ERCC4: variants seen among roughly 807,000 people sequenced by gnomAD.
ERCC4 encodes the protein DNA repair endonuclease XPF.
Under a neutral mutation model 76.9 loss-of-function variants are expected in ERCC4, and 65 were observed. That is an observed-to-expected ratio of 0.84 (90% confidence interval 0.69 to 1.04). ERCC4 has a LOEUF of 1.04. Among genes scored for constraint, ERCC4 ranks in the 50% least tolerant of loss-of-function variants. The pLI, the probability that ERCC4 is intolerant of heterozygous loss-of-function variation, is 0.00. For missense variants in ERCC4, 1,214 were observed against 1,128.2 expected (o/e 1.08, Z -1.09); for synonymous variants, 463 against 410.1 (o/e 1.13, Z -1.56).
At chr16:13,945,707 G>C (rs1437772681) in intron 10 of ERCC4, among the ~76,000 whole-genome samples, 4 of 152,144 alleles carry the variant, frequency 2.6e-5, no homozygotes, top group African/African-American at 9.7e-5. Flanking sequence ...CCATACTTTG[G>C]GAAACATTGC....
At chr16:13,921,290 T>C (rs1458103284) in intron 1 of ERCC4, among the ~76,000 whole-genome samples, 1 of 152,118 alleles carries the variant, frequency 6.6e-6, no homozygotes, top group African/African-American at 2.4e-5. Context: ...AAAGGTTAAC[T>C]ACAGTTAAGG....
At chr16:13,931,992 C>T in intron 5 of ERCC4, 165 bp from the exon 6 acceptor site, 1 of 686,718 alleles carries the variant, frequency 1.5e-6, no homozygotes, top group East Asian at 2.6e-5. Flanking sequence ...ACCCAGAAAA[C>T]CACTGGTCCA....
chr16:13,928,301 T>A (rs539438893), intron 4 of ERCC4, 66 bp downstream of exon 4: 1 of 1,150,040 alleles, frequency 8.7e-7, no homozygotes, highest in Non-Finnish European at 1.3e-6. Flanking sequence ...GTTATTTTAA[T>A]ATTTGCAATG....
intron 10 of ERCC4, among the ~76,000 whole-genome samples, chr16:13,947,299 A>G (rs1596635793): frequency 6.6e-6 from 1 of 152,208 alleles, no homozygotes; most frequent in Non-Finnish European, 1.5e-5. Context: ...TTGGGAATAC[A>G]TTGACCAACA....
chr16:13,943,740 T>C (rs1416561494), intron 9 of ERCC4, among the ~76,000 whole-genome samples: 1 of 152,164 alleles, frequency 6.6e-6, no homozygotes, highest in Non-Finnish European at 1.5e-5. Flanking sequence ...TGTTTTTTTT[T>C]TTCTTCTCAT....
chr16:13,948,681 G>C lies in ERCC4; in HGVS notation c.*334G>C, dbSNP rs932851924. On this transcript the variant is annotated 3_prime_UTR_variant, in exon 11 of 11. Coordinates refer to ENST00000311895, the MANE Select transcript of ERCC4 (RefSeq NM_005236.3). ...GATCCTAACAGATCTCATTTAGAAA[G>C]GAATATGCTAAGCCTGGCATGGACG... 2.2e-5 allele frequency: 7 copies of C among 319,594 alleles called. No homozygotes were observed. The highest frequency in any genetic ancestry group is 4.6e-5 in the Admixed American group (1 of 21,942). The allele number at this position is 319,594 out of a possible 1,614,324, so 19.8% of individuals were successfully genotyped here.
chr16:13,940,829 G>A (rs1055197553), intron 9 of ERCC4, among the ~76,000 whole-genome samples: 1 of 152,186 alleles, frequency 6.6e-6, no homozygotes, highest in Non-Finnish European at 1.5e-5. Flanking sequence ...CCAGTGTTGA[G>A]GAGAGAAGCC....
chr16:13,928,309 ATGT>A, intron 4 of ERCC4, 74 bp downstream of exon 4: 1 of 1,065,606 alleles, frequency 9.4e-7, no homozygotes, highest in South Asian at 1.3e-5. Flanking sequence ...AATATTTGCA[ATGT>A]TGTTAATAGG....
At position 13,948,453 on chromosome 16, in the gene ERCC4, A is replaced by T; in HGVS notation, c.*106A>T. ...TGGTTTGCTATTTCATTCTTTTCCA[A>T]TGCTCTTAATGATTGTACGGTGGAC... On this transcript the variant is annotated 3_prime_UTR_variant, in exon 11 of 11. Coordinates refer to ENST00000311895, the MANE Select transcript of ERCC4 (RefSeq NM_005236.3). 7.6e-7 allele frequency: 1 copy of T among 1,322,530 alleles called. No individual in the cohort carries two copies. Among genetic ancestry groups the T allele is most frequent in the Non-Finnish European group, 1.1e-6 (1 of 932,206 alleles). The allele number at this position is 1,322,530 out of a possible 1,614,324, so 81.9% of individuals were successfully genotyped here.
In ERCC4 at chr16:13,930,743, C is replaced by G; in HGVS notation, c.826C>G (p.Gln276Glu). Residue 276 changes from glutamine to glutamate, a missense_variant, in exon 5 of 11, where the codon CAG (glutamine) becomes GAG (glutamate). Coordinates refer to ENST00000311895, the MANE Select transcript of ERCC4 (RefSeq NM_005236.3). ...CCATTATCTGGATCCTTTGTGGCACCAGCTTGGAGCCAAGACTAAATCCTT... is the reference window on the plus strand; with the variant it reads ...CCATTATCTGGATCCTTTGTGGCACGAGCTTGGAGCCAAGACTAAATCCTT... Reference protein sequence around the residue: ...IRHYLDPLWHQLGAKTKSLVQ... With the variant: ...IRHYLDPLWHELGAKTKSLVQ... 1 of 1,613,858 alleles carries G rather than the reference C, an allele frequency of 6.2e-7. No homozygotes were observed.
chr16:13,927,855 T>A (rs569137945), intron 3 of ERCC4, 173 bp from the exon 4 acceptor site: 22 of 613,486 alleles, frequency 3.6e-5, no homozygotes, highest in Non-Finnish European at 5.5e-5. Flanking sequence ...ACTGCTTCTA[T>A]TCATTGAGGT....
At chr16:13,941,490 A>G (rs1596631931) in intron 9 of ERCC4, among the ~76,000 whole-genome samples, 3 of 152,196 alleles carry the variant, frequency 2.0e-5, no homozygotes, top group Admixed American at 2.0e-4. Flanking sequence ...AGATGAGACA[A>G]TGTGCTTTTA....
At chr16:13,942,223 A>G (rs1412676042) in intron 9 of ERCC4, among the ~76,000 whole-genome samples, 5 of 152,258 alleles carry the variant, frequency 3.3e-5, no homozygotes, top group African/African-American at 4.8e-5. Flanking sequence ...TGTTGAAAGC[A>G]AGAGACTGGC....
At position 13,949,092 on chromosome 16, in the gene ERCC4, A is replaced by C. The variant is rs541739848; in HGVS notation, c.*745A>C. ...TGACTAGTCTTCTAATGACCCTAAC[A>C]TATGTAGCATATACTATAATTTCAT... On this transcript the variant is annotated 3_prime_UTR_variant, in exon 11 of 11. Coordinates refer to ENST00000311895, the MANE Select transcript of ERCC4 (RefSeq NM_005236.3). 1 of 233,062 alleles carries C rather than the reference A, an allele frequency of 4.3e-6. No individual in the cohort carries two copies. Among genetic ancestry groups the C allele is most frequent in the African/African-American group, 2.2e-5 (1 of 45,460 alleles). The allele number at this position is 233,062 out of a possible 1,614,324, so 14.4% of individuals were successfully genotyped here. A position where few individuals can be genotyped will look rare whatever the true frequency, so the allele number is the denominator to read the frequency against.
At position 13,947,832 on chromosome 16, in the gene ERCC4, A is replaced by C. The variant is rs756050702; in HGVS notation, c.2236A>C (p.Ile746Leu). The C allele has an allele frequency of 6.2e-7, 1 of 1,614,182 alleles. No individual in the cohort carries two copies. The highest frequency in any genetic ancestry group is 1.1e-5 in the South Asian group (1 of 91,076). The change falls in exon 11 of 11, where the codon ATC becomes CTC. Residue 746 changes from isoleucine to leucine, a missense_variant. Transcript: ENST00000311895. ...TAACGGCCGCCTCTACAGCCAGTGC[A>C]TCTCCATGTCCCGCTACTACAAGCG... ...LNNGRLYSQC[I>L]SMSRYYKRPV...
chr16:13,922,627 A>G, intron 2 of ERCC4: 1 of 579,000 alleles, frequency 1.7e-6, no homozygotes, highest in Non-Finnish European at 3.2e-6. Context: ...AATAGGCTGC[A>G]CATGGCCGCA....
At chr16:13,946,505 T>A (rs904081833) in intron 10 of ERCC4, among the ~76,000 whole-genome samples, 1 of 152,216 alleles carries the variant, frequency 6.6e-6, no homozygotes, top group Non-Finnish European at 1.5e-5. Context: ...GGGATCACTG[T>A]CTTATATGCA....
chr16:13,936,383 T>C (rs1263005877), intron 8 of ERCC4, among the ~76,000 whole-genome samples: 2 of 152,212 alleles, frequency 1.3e-5, no homozygotes, highest in Non-Finnish European at 2.9e-5. Context: ...TCCCCTAGCA[T>C]TTTAACTAAC....
Position 13,947,487 on chromosome 16 carries a change from A to C in ERCC4, c.2018-127A>C. Reference sequence around the variant, plus strand: ...TTTTGAAAATATAGAAATTATATGGAATATTACCATATAGAATTATGTAAC... The same window carrying C: ...TTTTGAAAATATAGAAATTATATGGCATATTACCATATAGAATTATGTAAC... On this transcript the variant is annotated intron_variant, in intron 10 of 10. Coordinates refer to ENST00000311895, the MANE Select transcript of ERCC4 (RefSeq NM_005236.3). 4.0e-5 allele frequency: 41 copies of C among 1,015,364 alleles called. 5 individuals are homozygous for C. The South Asian group carries it at 5.0e-4, about 12-fold the overall frequency. The allele number at this position is 1,015,364 out of a possible 1,614,324, so 62.9% of individuals were successfully genotyped here.
Sources: allele counts gnomAD v4.1 joint callset (sites outside exome capture counted in the v4.1 genomes callset), GRCh38; gene constraint gnomAD v4.1.1; transcripts MANE v1.5; gene names NCBI Gene and HGNC (gene_info 2026-07-23, HGNC 2026-07-21).